Variants in ILRUN observed in about 807,000 individuals in gnomAD.
The protein encoded by ILRUN is inflammation and lipid regulator with UBA-like and NBR1-like domains.
A neutral mutation model predicts 33.8 loss-of-function variants in ILRUN; 3 were observed. The observed-to-expected ratio is 0.09, with a 90% CI of 0.04 to 0.23. ILRUN has a LOEUF of 0.23. Ranked by LOEUF, ILRUN falls within the 10% of genes least tolerant of loss-of-function variation. ILRUN has a pLI of 1.00. For missense variants in ILRUN, 210 were observed against 375.1 expected (o/e 0.56, Z 3.64); for synonymous variants, 124 against 138.9 (o/e 0.89, Z 0.75).
chr6:34,593,167 A>C (rs1330402195), intron 4 of ILRUN, among the ~76,000 whole-genome samples: 3 of 152,190 alleles, frequency 2.0e-5, no homozygotes, highest in Non-Finnish European at 4.4e-5. Flanking sequence ...AGACAGAGTA[A>C]GACCTTCTCT....
intron 3 of ILRUN, among the ~76,000 whole-genome samples, chr6:34,614,400 C>T (rs376361605): frequency 6.4e-5 from 9 of 140,762 alleles, no homozygotes; most frequent in South Asian, 2.2e-4. Flanking sequence ...CCAGCCTGGG[C>T]GACAGAGCAA....
At chr6:34,639,138 C>A (rs982628189) in intron 3 of ILRUN, among the ~76,000 whole-genome samples, 2 of 152,174 alleles carry the variant, frequency 1.3e-5, no homozygotes, top group South Asian at 2.1e-4. Flanking sequence ...ACATAGAGCA[C>A]CCAATAAGTT....
At chr6:34,647,651 G>A (rs1216247259) in intron 2 of ILRUN, among the ~76,000 whole-genome samples, 1 of 152,090 alleles carries the variant, frequency 6.6e-6, no homozygotes, top group Non-Finnish European at 1.5e-5. Flanking sequence ...TGCAACCTCC[G>A]CCTTCTGGGT....
In ILRUN at chr6:34,662,124, CAAAAAAAAAAAAAAAAA is replaced by C. The variant is rs57423564; in HGVS notation, c.159-7362_159-7346del. On this transcript the variant is annotated intron_variant, in intron 1 of 4. Coordinates refer to ENST00000374023, the MANE Select transcript of ILRUN (RefSeq NM_024294.4). Reference sequence around the variant, plus strand: ...TGGGCGACAGAGCGAGACTCCGTCTCAAAAAAAAAAAAAAAAAAAAAAAAAAAAAAAATTAGCTGGGC... The same window carrying C: ...TGGGCGACAGAGCGAGACTCCGTCTCAAAAAAAAAAAAAAATTAGCTGGGC... Among the ~76,000 whole-genome samples the C allele has an allele frequency of 2.8e-4, 11 of 39,992 alleles. No individual in the cohort carries two copies. In the South Asian group the frequency reaches 9.9e-3, roughly 36 times the overall value. 26.2% of individuals were successfully genotyped at this position (39,992 alleles called of 152,430 possible). A position where few individuals can be genotyped will look rare whatever the true frequency, so the allele number is the denominator to read the frequency against.
chr6:34,606,415 T>A (rs766432673), intron 4 of ILRUN, 140 bp downstream of exon 4: 1 of 631,330 alleles, frequency 1.6e-6, no homozygotes, highest in Non-Finnish European at 2.7e-6. Flanking sequence ...TTTTGCATTG[T>A]TGCTATTGGC....
At chr6:34,624,482 C>T (rs953393348) in intron 3 of ILRUN, among the ~76,000 whole-genome samples, 4 of 152,036 alleles carry the variant, frequency 2.6e-5, no homozygotes, top group Non-Finnish European at 4.4e-5. Context: ...CACCACCACA[C>T]CTGGCTAATT....
At chr6:34,691,889 C>A (rs1763658095) in intron 1 of ILRUN, among the ~76,000 whole-genome samples, 1 of 152,160 alleles carries the variant, frequency 6.6e-6, no homozygotes, top group Non-Finnish European at 1.5e-5. Context: ...CCAAAACATT[C>A]CATTTAGTCA....
chr6:34,656,138 A>C (rs1046360594), intron 1 of ILRUN, among the ~76,000 whole-genome samples: 1 of 150,206 alleles, frequency 6.7e-6, no homozygotes, highest in African/African-American at 2.5e-5. Flanking sequence ...CGGGAGGCTG[A>C]GGCAGTAGAA....
chr6:34,608,003 G>A (rs1445834365), intron 3 of ILRUN, among the ~76,000 whole-genome samples: 1 of 151,974 alleles, frequency 6.6e-6, no homozygotes, highest in African/African-American at 2.4e-5. Context: ...AGAGGTGGGA[G>A]GATCGCTTGA....
intron 1 of ILRUN, among the ~76,000 whole-genome samples, chr6:34,658,362 A>G (rs1762817948): frequency 6.6e-6 from 1 of 151,724 alleles, no homozygotes; most frequent in African/African-American, 2.4e-5. Context: ...AAAAAAAAAA[A>G]GATGGATGAT....
At chr6:34,607,794 G>A (rs1468670975) in intron 3 of ILRUN, among the ~76,000 whole-genome samples, 1 of 152,122 alleles carries the variant, frequency 6.6e-6, no homozygotes, top group Non-Finnish European at 1.5e-5. Flanking sequence ...AAGTATATGT[G>A]TATCTAAACG....
Position 34,670,389 on chromosome 6 carries a change from T to A in ILRUN, c.159-15610A>T, listed in dbSNP as rs1321426459. On this transcript the variant is annotated intron_variant, in intron 1 of 4. Transcript: ENST00000374023. Reference sequence around the variant, plus strand: ...ACTTACTAAAAATCACTGAATTATATTAAAATAGGTTAACTTATGGTATGC... The same window carrying A: ...ACTTACTAAAAATCACTGAATTATAATAAAATAGGTTAACTTATGGTATGC... 6.6e-5 allele frequency among the ~76,000 whole-genome samples: 10 copies of A among 152,218 alleles called. No individual in the cohort carries two copies. The South Asian group carries it at 1.9e-3, about 28-fold the overall frequency.
intron 1 of ILRUN, among the ~76,000 whole-genome samples, chr6:34,675,320 A>C (rs1223278794): frequency 6.6e-6 from 1 of 152,142 alleles, no homozygotes; most frequent in African/African-American, 2.4e-5. Context: ...AAAAGGTGCA[A>C]AACAAGCCCA....
intron 1 of ILRUN, among the ~76,000 whole-genome samples, chr6:34,679,635 G>T (rs763274691): frequency 3.9e-5 from 6 of 152,138 alleles, no homozygotes; most frequent in Non-Finnish European, 8.8e-5. Flanking sequence ...ACACAACAAG[G>T]TGTGCAATAG....
At chr6:34,689,698 C>G (rs1243097549) in intron 1 of ILRUN, among the ~76,000 whole-genome samples, 2 of 151,708 alleles carry the variant, frequency 1.3e-5, no homozygotes, top group Non-Finnish European at 2.9e-5. Flanking sequence ...AATACGTGAT[C>G]AGGTAAGAGG....
chr6:34,649,678 G>A (rs1305176438), intron 2 of ILRUN, among the ~76,000 whole-genome samples: 1 of 152,124 alleles, frequency 6.6e-6, no homozygotes, highest in African/African-American at 2.4e-5. Context: ...AGACAGTAAG[G>A]AATATCCAAA....
intron 3 of ILRUN, among the ~76,000 whole-genome samples, chr6:34,620,194 A>G (rs553790676): frequency 1.3e-5 from 2 of 152,270 alleles, no homozygotes; most frequent in Non-Finnish European, 2.9e-5. Flanking sequence ...TATTACGTAA[A>G]TAAGTTTTGA....
chr6:34,631,016 T>C (rs1762233662), intron 3 of ILRUN, among the ~76,000 whole-genome samples: 1 of 152,244 alleles, frequency 6.6e-6, no homozygotes, highest in African/African-American at 2.4e-5. Flanking sequence ...ATTATCCATC[T>C]GTTCTTTCAT....
intron 2 of ILRUN, among the ~76,000 whole-genome samples, chr6:34,650,407 T>TTTTTTTTA (rs371474504): frequency 3.5e-5 from 5 of 141,440 alleles, no homozygotes; most frequent in African/African-American, 7.7e-5. Context: ...ATTTATTTAT[T>TTTTTTTTA]TTTATTTATT....
Sources: gnomAD v4.1 joint callset for allele counts (sites outside exome capture counted in the v4.1 genomes callset) on GRCh38, gnomAD v4.1.1 for gene constraint, MANE v1.5 for transcripts, NCBI Gene and HGNC (gene_info 2026-07-23, HGNC 2026-07-21) for gene names.